ATP11A: variants seen among roughly 807,000 people sequenced by gnomAD.
ATP11A encodes phospholipid-transporting ATPase IH.
ATP11A carries 81 observed loss-of-function variants against 154.4 expected under a neutral mutation model. The observed-to-expected ratio is 0.52, with a 90% CI of 0.44 to 0.63. ATP11A has a LOEUF of 0.63. ATP11A is among the 30% of genes least tolerant of loss of function. The probability of loss-of-function intolerance (pLI) is 0.00; values close to 1 mark genes in which losing one functional copy is unlikely to be tolerated. For missense variants in ATP11A, 1,316 were observed against 1,474.3 expected, an observed-to-expected ratio of 0.89 and a Z score of 1.76; for synonymous variants, 623 against 585.9, an observed-to-expected ratio of 1.06 and a Z score of -0.91.
At position 112,850,119 on chromosome 13, in the gene ATP11A, G is replaced by A. The variant is rs2079721433; in HGVS notation, c.1810-918G>A. Among the ~76,000 whole-genome samples the A allele has an allele frequency of 2.6e-5, 4 of 152,212 alleles. No individual in the cohort carries two copies. The South Asian group carries it at 6.2e-4, about 24-fold the overall frequency. On this transcript the variant is annotated intron_variant, in intron 17 of 29. Transcript: ENST00000375645. ...CACACCAGTTAAGAGGTCGGAACTAGTGATAAATATGAGCCTTCCCTGAGA... is the reference window on the plus strand; with the variant it reads ...CACACCAGTTAAGAGGTCGGAACTAATGATAAATATGAGCCTTCCCTGAGA...
At chr13:112,804,932 G>A (rs375524283) in intron 2 of ATP11A, 25 bp from the exon 3 acceptor site, 32 of 1,447,104 alleles carry the variant, frequency 2.2e-5, no homozygotes, top group Non-Finnish European at 2.9e-5. Context: ...TCTCAATGAT[G>A]GATGTTTGTT....
rs1287942220 is a variant in ATP11A, at chr13:112,842,154, T to C, written c.1706-122T>C. The C allele has an allele frequency of 4.0e-6, 3 of 753,012 alleles. No homozygotes were observed. In the African/African-American group the frequency reaches 5.3e-5, roughly 13 times the overall value. The allele number at this position is 753,012 out of a possible 1,614,324, so 46.6% of individuals were successfully genotyped here. A position where few individuals can be genotyped will look rare whatever the true frequency, so the allele number is the denominator to read the frequency against. Reference sequence around the variant, plus strand: ...TAGCGTGTTAACTGGTCCATTAAAATCTTTAAAAAGCTTTCCACACTGCTA... The same window carrying C: ...TAGCGTGTTAACTGGTCCATTAAAACCTTTAAAAAGCTTTCCACACTGCTA... On this transcript the variant is annotated intron_variant, in intron 16 of 29. Transcript: ENST00000375645.
chr13:112,767,939 C>T (rs1189374626), intron 1 of ATP11A, among the ~76,000 whole-genome samples: 2 of 152,162 alleles, frequency 1.3e-5, no homozygotes, highest in Non-Finnish European at 2.9e-5. Flanking sequence ...CCCCCTCCGG[C>T]TCCTCACTTC....
intron 1 of ATP11A, among the ~76,000 whole-genome samples, chr13:112,769,983 G>A (rs1176511954): frequency 2.6e-5 from 4 of 152,138 alleles, no homozygotes; most frequent in Admixed American, 6.5e-5. Flanking sequence ...TCAGCGTTAC[G>A]TTTGCTCCTG....
intron 16 of ATP11A, among the ~76,000 whole-genome samples, chr13:112,839,090 C>T (rs1041097354): frequency 6.6e-6 from 1 of 152,106 alleles, no homozygotes; most frequent in Non-Finnish European, 1.5e-5. Context: ...GTGTGCTTTC[C>T]TGGGATTCTC....
chr13:112,809,068 G>A (rs1433079824), intron 4 of ATP11A, among the ~76,000 whole-genome samples: 3 of 152,246 alleles, frequency 2.0e-5, no homozygotes, highest in Non-Finnish European at 4.4e-5. Context: ...CCAATCCTGA[G>A]AGCAGCAGCT....
rs996104590 is a variant in ATP11A at position 112,844,236 on chromosome 13, C to T, written c.1809+1857C>T. 6.6e-5 allele frequency among the ~76,000 whole-genome samples: 10 copies of T among 152,230 alleles called. No homozygotes were observed. The South Asian group carries it at 1.9e-3, about 28-fold the overall frequency. On this transcript the variant is annotated intron_variant, in intron 17 of 29. Coordinates refer to ENST00000375645, the MANE Select transcript of ATP11A (RefSeq NM_015205.3). ...GGCCTGAGTACCAAATATCTTCCAC[C>T]TGCTGGATCCCCACTGCTGCTGCCC...
intron 2 of ATP11A, among the ~76,000 whole-genome samples, chr13:112,795,831 A>C (rs1356939519): frequency 6.6e-6 from 1 of 152,248 alleles, no homozygotes; most frequent in Non-Finnish European, 1.5e-5. Context: ...TCACATGTGT[A>C]ATGTTTGCCA....
intron 24 of ATP11A, among the ~76,000 whole-genome samples, chr13:112,861,632 C>G (rs560645295): frequency 6.6e-6 from 1 of 152,264 alleles, no homozygotes; most frequent in Non-Finnish European, 1.5e-5. Flanking sequence ...GTGCATCGGC[C>G]TCACTGCCCT....
Position 112,851,212 on chromosome 13 carries a change from A to C in ATP11A, c.1985A>C (p.Glu662Ala). 6.2e-7 allele frequency: 1 copy of C among 1,612,804 alleles called. No individual in the cohort carries two copies. The highest frequency in any genetic ancestry group is 8.5e-7 in the Non-Finnish European group (1 of 1,179,266). The change falls in exon 18 of 30, where the codon GAG becomes GCG. Residue 662 changes from glutamate to alanine, a missense_variant. Coordinates refer to ENST00000375645, the MANE Select transcript of ATP11A (RefSeq NM_015205.3). Reference protein sequence around the residue: ...DLTLLGATAVEDRLQEKAADT... With the variant: ...DLTLLGATAVADRLQEKAADT... Reference sequence around the variant, plus strand: ...ACTCTGCTTGGTGCTACAGCTGTTGAGGACCGGTAAAGTAAACGCATGCAT... The same window carrying C: ...ACTCTGCTTGGTGCTACAGCTGTTGCGGACCGGTAAAGTAAACGCATGCAT...
intron 1 of ATP11A, among the ~76,000 whole-genome samples, chr13:112,693,604 A>G (rs180875715): frequency 9.9e-5 from 15 of 152,076 alleles, no homozygotes; most frequent in Admixed American, 8.5e-4. Flanking sequence ...CATATGAGCC[A>G]TGGGGTAGTG....
chr13:112,758,901 C>CA (rs1209195150), intron 1 of ATP11A, among the ~76,000 whole-genome samples: 1 of 152,128 alleles, frequency 6.6e-6, no homozygotes, highest in African/African-American at 2.4e-5. Context: ...AGCCACCAGC[C>CA]AAAAAATCGG....
At chr13:112,768,040 CT>C in intron 1 of ATP11A, among the ~76,000 whole-genome samples, 1 of 152,230 alleles carries the variant, frequency 6.6e-6, no homozygotes. Flanking sequence ...CCCGTCACCC[CT>C]GGGATCCGTG....
At chr13:112,820,518 C>T (rs1370772251) in intron 8 of ATP11A, among the ~76,000 whole-genome samples, 1 of 152,206 alleles carries the variant, frequency 6.6e-6, no homozygotes, top group Non-Finnish European at 1.5e-5. Context: ...GCGGCAGTCA[C>T]ATCGCATACC....
At chr13:112,763,140 A>G (rs1236269756) in intron 1 of ATP11A, among the ~76,000 whole-genome samples, 4 of 152,230 alleles carry the variant, frequency 2.6e-5, no homozygotes, top group East Asian at 1.9e-4. Flanking sequence ...ATGTCTTACC[A>G]TGCCTGATTA....
At chr13:112,778,392 C>T (rs959300620) in intron 1 of ATP11A, among the ~76,000 whole-genome samples, 2 of 152,256 alleles carry the variant, frequency 1.3e-5, no homozygotes, top group Non-Finnish European at 2.9e-5. Context: ...AACCTTGTAA[C>T]TCTCTTCAGA....
chr13:112,859,874 G>C lies in ATP11A; in HGVS notation c.2728-413G>C, dbSNP rs998018268. Among the ~76,000 whole-genome samples the C allele has an allele frequency of 6.6e-6, 1 of 152,228 alleles. No individual in the cohort carries two copies. Among genetic ancestry groups the C allele is most frequent in the Non-Finnish European group, 1.5e-5 (1 of 68,036 alleles). On this transcript the variant is annotated intron_variant, in intron 23 of 29. Coordinates refer to ENST00000375645, the MANE Select transcript of ATP11A (RefSeq NM_015205.3). The surrounding 1 kb of genome is among the most constrained non-coding windows in gnomAD (Gnocchi z 4.3). ...GGAAGAAGACAGTTCCCATCCGGGA[G>C]GGGTGAAGGACTCCCCGGGCATCTG...
At chr13:112,714,614 C>T (rs764346297) in intron 1 of ATP11A, among the ~76,000 whole-genome samples, 8 of 152,198 alleles carry the variant, frequency 5.3e-5, no homozygotes, top group Admixed American at 3.3e-4. Flanking sequence ...TGATGGAATA[C>T]GCGTTCTGCG....
chr13:112,823,229 T>G, intron 8 of ATP11A, 116 bp from the exon 9 acceptor site: 1 of 765,744 alleles, frequency 1.3e-6, no homozygotes, highest in South Asian at 1.6e-5. Context: ...GTATGCCATC[T>G]CCTCTGAAAA....
Sources: gnomAD v4.1 joint callset for allele counts (sites outside exome capture counted in the v4.1 genomes callset) on GRCh38, gnomAD v4.1.1 for gene constraint, Gnocchi (gnomAD v3.1) non-coding constraint, MANE v1.5 for transcripts, NCBI Gene and HGNC (gene_info 2026-07-23, HGNC 2026-07-21) for gene names.